Variants in SRCAP observed in about 807,000 individuals in gnomAD.
SRCAP encodes the protein Snf2 related CREBBP activator protein.
Under a neutral mutation model 263.1 loss-of-function variants are expected in SRCAP, and 46 were observed. The observed-to-expected ratio is 0.17, with a 90% CI of 0.14 to 0.22. The LOEUF (loss-of-function observed/expected upper bound fraction) is 0.22, where lower values mean the gene tolerates loss of function less well. SRCAP is among the 10% of genes least tolerant of loss of function. SRCAP has a pLI of 1.00. For synonymous variants in SRCAP, 1,813 were observed against 1,662.1 expected, an observed-to-expected ratio of 1.09 and a Z score of -2.21; for missense variants, 3,695 against 4,181.9, an observed-to-expected ratio of 0.88 and a Z score of 3.21.
Position 30,738,613 on chromosome 16 carries a change from G to A in SRCAP, c.8573G>A (p.Arg2858His). ...GCCATCACCCCACCTGCTGTGAAAC[G>A]TCGGAGGGGGAGGCCCCCCAAGAAG... ...LLAITPPAVKRRRGRPPKKNR... is the reference protein window; with the variant it reads ...LLAITPPAVKHRRGRPPKKNR... Residue 2858 changes from arginine to histidine, a missense_variant, in exon 34 of 34, where the codon CGT (arginine) becomes CAT (histidine). Around this residue, in one of 12 missense-constraint regions of SRCAP, gnomAD observed 1,207 missense variants for 1,142.9 expected, o/e 1.06. Coordinates refer to ENST00000262518, the MANE Select transcript of SRCAP (RefSeq NM_006662.3). 1.2e-6 allele frequency: 2 copies of A among 1,603,530 alleles called. No homozygotes were observed. The highest frequency in any genetic ancestry group is 1.7e-6 in the Non-Finnish European group (2 of 1,174,454).
In SRCAP at chr16:30,707,745, C is replaced by T. The variant is rs376999171; in HGVS notation, c.633+33C>T. ...GTGGGGATCAGGAAAGGAAAATGGC[C>T]TTGGATTAGATTGGTAGATGGCGTG... On this transcript the variant is annotated intron_variant, in intron 6 of 33. Coordinates refer to ENST00000262518, the MANE Select transcript of SRCAP (RefSeq NM_006662.3). The T allele has an allele frequency of 2.4e-4, 394 of 1,612,386 alleles. 2 individuals carry two copies. Among genetic ancestry groups the T allele is most frequent in the South Asian group, 5.7e-4 (52 of 90,954 alleles).
At position 30,737,248 on chromosome 16, in the gene SRCAP, G is replaced by C. The variant is rs2053169578; in HGVS notation, c.7208G>C (p.Arg2403Pro). The change falls in exon 34 of 34, where the codon CGG (arginine) becomes CCG (proline). Residue 2403 changes from arginine to proline, a missense_variant. Physicochemically the swap from Arg to Pro is moderately radical, Grantham distance 103. Coordinates refer to ENST00000262518, the MANE Select transcript of SRCAP (RefSeq NM_006662.3). Reference protein sequence around the residue: ...TRVSERLRGARAETQGANHTP... With the variant: ...TRVSERLRGAPAETQGANHTP... ...GTCAGTGAGCGTCTTCGTGGAGCCC[G>C]GGCTGAGACTCAAGGGGCAAACCAC... The C allele has an allele frequency of 6.2e-7, 1 of 1,613,892 alleles. No individual in the cohort carries two copies. The highest frequency in any genetic ancestry group is 1.3e-5 in the African/African-American group (1 of 74,848).
chr16:30,737,746 T>C lies in SRCAP; in HGVS notation c.7706T>C (p.Val2569Ala), dbSNP rs1398210584. The change falls in exon 34 of 34, where the codon GTG (valine) becomes GCG (alanine). Residue 2569 changes from valine (V) to alanine (A), a missense_variant. Around this residue, in one of 12 missense-constraint regions of SRCAP, gnomAD observed 1,207 missense variants for 1,142.9 expected, o/e 1.06. Coordinates refer to ENST00000262518, the MANE Select transcript of SRCAP (RefSeq NM_006662.3). ...CCAGAGTCCCTGGAGCTGGCTTCTG[T>C]GGCCAGTTCAGAAACCTCCTCACTT... is the stretch of plus-strand genomic sequence containing the variant. Reference protein sequence around the residue: ...ASPESLELASVASSETSSLSL... With the variant: ...ASPESLELASAASSETSSLSL... The C allele has an allele frequency of 1.2e-6, 2 of 1,614,202 alleles. No homozygotes were observed. The highest frequency in any genetic ancestry group is 4.5e-5 in the East Asian group (2 of 44,888).
At position 30,711,028 on chromosome 16, in the gene SRCAP, G is replaced by A; in HGVS notation, c.1258G>A (p.Glu420Lys). The change falls in exon 10 of 34, where the codon GAG becomes AAG. Residue 420 changes from glutamate (E) to lysine (K), a missense_variant. Physicochemically the swap from Glu to Lys is moderately conservative, Grantham distance 56. Coordinates refer to ENST00000262518, the MANE Select transcript of SRCAP (RefSeq NM_006662.3). ...AEDEEDTIAAEEQLEGEVDHA... is the reference protein window; with the variant it reads ...AEDEEDTIAAKEQLEGEVDHA... ...GGATGAAGAGGATACTATAGCAGCT[G>A]AGGAACAGTTGGAAGGGGAGGTGGA... is the stretch of plus-strand genomic sequence containing the variant. The A allele has an allele frequency of 1.2e-6, 2 of 1,614,126 alleles. No individual in the cohort carries two copies. The highest frequency in any genetic ancestry group is 1.7e-6 in the Non-Finnish European group (2 of 1,180,010).
chr16:30,705,694 C>T (rs780531970), intron 4 of SRCAP, among the ~76,000 whole-genome samples: 9 of 147,060 alleles, frequency 6.1e-5, no homozygotes, highest in East Asian at 2.1e-4. Context: ...CCACTGCGCC[C>T]GGCCACAATT....
chr16:30,702,025 C>T (rs2052772533), intron 3 of SRCAP, among the ~76,000 whole-genome samples: 1 of 151,558 alleles, frequency 6.6e-6, no homozygotes, highest in Non-Finnish European at 1.5e-5. Context: ...GTGATCTTGG[C>T]TCACTGCAAC....
rs370333025 is a variant in SRCAP, at chr16:30,704,202, G to C, written c.193G>C (p.Asp65His). 8.7e-6 allele frequency: 14 copies of C among 1,614,082 alleles called. No homozygotes were observed. The highest frequency in any genetic ancestry group is 2.2e-5 in the East Asian group (1 of 44,872). Reference protein sequence around the residue: ...SSLDGPPGPPDGATVPLEGFS... With the variant: ...SSLDGPPGPPHGATVPLEGFS... The stretch of plus-strand genomic sequence containing the variant: ...ACTGGATGGACCTCCAGGCCCCCCA[G>C]ATGGTGCCACAGTGCCCCTGGAGGG... Residue 65 changes from aspartate (D) to histidine (H), a missense_variant, in exon 4 of 34, where the codon GAT (aspartate) becomes CAT (histidine). Asp to His is a moderately conservative substitution (Grantham distance 81, BLOSUM62 -1). Coordinates refer to ENST00000262518, the MANE Select transcript of SRCAP (RefSeq NM_006662.3).
chr16:30,736,971 A>G, intron 33 of SRCAP, 78 bp from the exon 34 acceptor site: 1 of 1,472,796 alleles, frequency 6.8e-7, no homozygotes. Flanking sequence ...ACCGCGCCTG[A>G]CCTGGAAGCT....
rs1243216364 is a variant in SRCAP, at chr16:30,716,427, G to C, written c.2765G>C (p.Cys922Ser). The change falls in exon 18 of 34, where the codon TGC (cysteine) becomes TCC (serine). Residue 922 changes from cysteine to serine, a missense_variant. Coordinates refer to ENST00000262518, the MANE Select transcript of SRCAP (RefSeq NM_006662.3). Reference sequence around the variant, plus strand: ...TCCCCTTTCATCACCCCAGGCATCTGCTTCAGCACCGCCTCTCTGGTGCTA... The same window carrying C: ...TCCCCTTTCATCACCCCAGGCATCTCCTTCAGCACCGCCTCTCTGGTGCTA... ...VTSPFITPGI[C>S]FSTASLVLRA... The C allele has an allele frequency of 6.2e-7, 1 of 1,614,158 alleles. No individual in the cohort carries two copies. The highest frequency in any genetic ancestry group is 8.5e-7 in the Non-Finnish European group (1 of 1,180,030).
In SRCAP at chr16:30,723,972, T is replaced by C; in HGVS notation, c.4548T>C (p.Ser1516=). 1.2e-6 allele frequency: 2 copies of C among 1,614,120 alleles called. No homozygotes were observed. The part of the protein sequence containing the change: ...TLGLATAPSL[S]SSQTPGHPLL... ...GTTTGGCCACAGCTCCATCCCTGTC[T>C]TCATCTCAGACACCTGGTCACCCTC... The change falls in exon 25 of 34, where the codon TCT becomes TCC. Residue 1516 remains serine, a synonymous_variant. Transcript: ENST00000262518.
At chr16:30,725,329 C>T (rs772915962) in intron 25 of SRCAP, 64 of 626,342 alleles carry the variant, frequency 1.0e-4, no homozygotes, top group African/African-American at 8.0e-4. Flanking sequence ...CCTCTTTTCC[C>T]GTTTTTTAAC....
Position 30,724,882 on chromosome 16 carries a change from G to A in SRCAP, c.5458G>A (p.Ala1820Thr). The A allele has an allele frequency of 6.2e-7, 1 of 1,614,184 alleles. No homozygotes were observed. Among genetic ancestry groups the A allele is most frequent in the Non-Finnish European group, 8.5e-7 (1 of 1,180,040 alleles). ...PASTQSPASQ[A>T]SSLVVSASGA... ...CTCCACACAGTCCCCAGCTTCCCAG[G>A]CATCTTCCCTTGTGGTTTCGGCATC... is the stretch of plus-strand genomic sequence containing the variant. The change falls in exon 25 of 34, where the codon GCA becomes ACA. Residue 1820 changes from alanine (A) to threonine (T), a missense_variant. Around this residue, in one of 12 missense-constraint regions of SRCAP, gnomAD observed 1,347 missense variants for 1,304.4 expected, o/e 1.03. Transcript: ENST00000262518.
Position 30,706,762 on chromosome 16 carries a change from C to T in SRCAP, c.307-421C>T, listed in dbSNP as rs1177260359. Reference sequence around the variant, plus strand: ...TAGAATTCTACAATGATGATGACCCCTTGTATCTAGAATCAAGAGGGAAGT... The same window carrying T: ...TAGAATTCTACAATGATGATGACCCTTTGTATCTAGAATCAAGAGGGAAGT... On this transcript the variant is annotated intron_variant, in intron 4 of 33. Coordinates refer to ENST00000262518, the MANE Select transcript of SRCAP (RefSeq NM_006662.3). Among the ~76,000 whole-genome samples, 7 of 152,188 alleles carry T rather than the reference C, an allele frequency of 4.6e-5. No individual in the cohort carries two copies. In the South Asian group the frequency reaches 1.2e-3, roughly 27 times the overall value.
In SRCAP at chr16:30,703,386, G is replaced by T. The variant is rs797006697; in HGVS notation, c.55-678G>T. Among the ~76,000 whole-genome samples the T allele has an allele frequency of 3.3e-5, 5 of 150,498 alleles. No homozygotes were observed. In the East Asian group the frequency reaches 1.0e-3, roughly 30 times the overall value. On this transcript the variant is annotated intron_variant, in intron 3 of 33. Coordinates refer to ENST00000262518, the MANE Select transcript of SRCAP (RefSeq NM_006662.3). The stretch of plus-strand genomic sequence containing the variant: ...TTTTTGTATTTTCAGTAGAGACGGG[G>T]TTTCACCATGTTGGCCAGGTTGGTC...
At chr16:30,707,000 T>C (rs2052834811) in intron 4 of SRCAP, among the ~76,000 whole-genome samples, 183 bp from the exon 5 acceptor site, 1 of 152,214 alleles carries the variant, frequency 6.6e-6, no homozygotes, top group Admixed American at 6.5e-5. Flanking sequence ...CTTTTTTCCT[T>C]CTTCATCTCC....
Position 30,723,139 on chromosome 16 carries a change from A to C in SRCAP, c.4069A>C (p.Thr1357Pro). The C allele has an allele frequency of 6.2e-7, 1 of 1,613,244 alleles. No homozygotes were observed. Among genetic ancestry groups the C allele is most frequent in the Non-Finnish European group, 8.5e-7 (1 of 1,179,844 alleles). ...TLTPGRLPTPTLGTARAPMPT... is the reference protein window; with the variant it reads ...TLTPGRLPTPPLGTARAPMPT... ...AACCCCTGGCCGGCTACCCACACCT[A>C]CTCTGGGTACTGCTCGAGCCCCCAT... Residue 1357 changes from threonine (T) to proline (P), a missense_variant, in exon 24 of 34, where the codon ACT (threonine) becomes CCT (proline). Transcript: ENST00000262518.
At position 30,729,366 on chromosome 16, in the gene SRCAP, A is replaced by T. The variant is rs1412685886; in HGVS notation, c.5925-4A>T. On this transcript the variant is annotated splice_polypyrimidine_tract_variant and splice_region_variant and intron_variant, in intron 26 of 33. Transcript: ENST00000262518. Reference sequence around the variant, plus strand: ...TTTACACTGCCTGCTTCTTCCTTTCACAGGTTCATCTTTGTCATGCCTCCT... The same window carrying T: ...TTTACACTGCCTGCTTCTTCCTTTCTCAGGTTCATCTTTGTCATGCCTCCT... The T allele has an allele frequency of 6.2e-7, 1 of 1,613,742 alleles. No homozygotes were observed. Among genetic ancestry groups the T allele is most frequent in the Non-Finnish European group, 8.5e-7 (1 of 1,179,926 alleles).
At chr16:30,734,992 A>T (rs2053145459) in intron 31 of SRCAP, among the ~76,000 whole-genome samples, 2 of 152,148 alleles carry the variant, frequency 1.3e-5, no homozygotes, top group Admixed American at 1.3e-4. Flanking sequence ...GAGCTCTGAA[A>T]ACACACAAAT....
rs1385800445 is a variant in SRCAP at position 30,724,865 on chromosome 16, A to G, written c.5441A>G (p.Gln1814Arg). 7 of 1,614,120 alleles carry G rather than the reference A, an allele frequency of 4.3e-6. No homozygotes were observed. In the East Asian group the frequency reaches 8.9e-5, roughly 21 times the overall value. Reference protein sequence around the residue: ...QTLALAPASTQSPASQASSLV... With the variant: ...QTLALAPASTRSPASQASSLV... ...TTGGCGCTGGCCCCAGCCTCCACAC[A>G]GTCCCCAGCTTCCCAGGCATCTTCC... Residue 1814 changes from glutamine to arginine, a missense_variant, in exon 25 of 34, where the codon CAG becomes CGG. Physicochemically the swap from Gln to Arg is conservative, Grantham distance 43. Around this residue, in one of 12 missense-constraint regions of SRCAP, gnomAD observed 1,347 missense variants for 1,304.4 expected, o/e 1.03. Transcript: ENST00000262518.
Sources: allele counts gnomAD v4.1 joint callset (sites outside exome capture counted in the v4.1 genomes callset), GRCh38; gene constraint gnomAD v4.1.1; regional missense constraint gnomAD v4.1.1; transcripts MANE v1.5; gene names NCBI Gene and HGNC (gene_info 2026-07-23, HGNC 2026-07-21).